The following SNTG2 variants were observed in gnomAD, a reference collection of about 807,000 sequenced individuals.
SNTG2 encodes gamma-2-syntrophin.
Under a neutral mutation model 70.9 loss-of-function variants are expected in SNTG2, and 74 were observed. That is an observed-to-expected ratio of 1.04 (90% CI 0.86 to 1.27). The LOEUF is 1.27. Among genes scored for constraint, SNTG2 ranks in the 50% most tolerant of loss-of-function variants. The probability of loss-of-function intolerance (pLI) is 0.00; values close to 1 mark genes in which losing one functional copy is unlikely to be tolerated. For synonymous variants in SNTG2, 278 were observed against 273.8 expected, an observed-to-expected ratio of 1.02 and a Z score of -0.15; for missense variants, 717 against 690.7, an observed-to-expected ratio of 1.04 and a Z score of -0.43.
At chr2:1,306,353 G>A (rs1680668080) in intron 14 of SNTG2, among the ~76,000 whole-genome samples, 1 of 152,170 alleles carries the variant, frequency 6.6e-6, no homozygotes. Context: ...CCCACCATCT[G>A]CTCTCCTCTA....
intron 9 of SNTG2, among the ~76,000 whole-genome samples, chr2:1,234,372 T>C (rs1676467361): frequency 6.6e-6 from 1 of 152,250 alleles, no homozygotes; most frequent in Admixed American, 6.5e-5. Context: ...TCAACAACTT[T>C]CACAGTTTCT....
At chr2:1,341,718 C>T (rs1228158429) in intron 16 of SNTG2, 1 of 152,186 alleles carries the variant, frequency 6.6e-6, no homozygotes, top group Non-Finnish European at 1.5e-5. Flanking sequence ...GGGAGAGAAA[C>T]AAGACAAGGC....
At chr2:1,165,877 G>A (rs28674914) in intron 7 of SNTG2, among the ~76,000 whole-genome samples, 2,448 of 152,196 alleles carry the variant, frequency 0.016, 52 homozygotes, top group African/African-American at 0.055. Context: ...TGTGCTTCTC[G>A]TCACTTAACT....
At chr2:1,062,852 AT>A (rs1662910074) in intron 1 of SNTG2, among the ~76,000 whole-genome samples, 1 of 152,188 alleles carries the variant, frequency 6.6e-6, no homozygotes. Flanking sequence ...AATGGAAAAA[AT>A]ATGTGTGTGT....
At chr2:1,126,358 C>G (rs1241369362) in intron 4 of SNTG2, among the ~76,000 whole-genome samples, 1 of 152,238 alleles carries the variant, frequency 6.6e-6, no homozygotes, top group African/African-American at 2.4e-5. Flanking sequence ...TGTGTATATA[C>G]ACCACGTTGT....
chr2:978,616 T>C (rs548838761), intron 1 of SNTG2, among the ~76,000 whole-genome samples: 7 of 152,314 alleles, frequency 4.6e-5, no homozygotes, highest in Admixed American at 3.3e-4. Flanking sequence ...GCCCCTGTGA[T>C]TCATGGTAGC....
Position 1,307,414 on chromosome 2 carries a change from G to C in SNTG2, c.1285-1080G>C, listed in dbSNP as rs1381313060. Among the ~76,000 whole-genome samples the C allele has an allele frequency of 2.0e-5, 3 of 149,594 alleles. No homozygotes were observed. The East Asian group carries it at 5.9e-4, about 30-fold the overall frequency. Reference sequence around the variant, plus strand: ...GCACTGTGTCTGTGTGTGAGTGTGTGTGGTGTGTGTGAGCCGTGTACTGTG... The same window carrying C: ...GCACTGTGTCTGTGTGTGAGTGTGTCTGGTGTGTGTGAGCCGTGTACTGTG... On this transcript the variant is annotated intron_variant, in intron 14 of 16. Transcript: ENST00000308624.
intron 1 of SNTG2, among the ~76,000 whole-genome samples, chr2:985,591 C>G (rs1050115640): frequency 3.9e-5 from 6 of 152,128 alleles, no homozygotes; most frequent in African/African-American, 1.4e-4. Context: ...GGGATATGCA[C>G]AGGATAATTT....
At chr2:1,037,494 G>A (rs1390605862) in intron 1 of SNTG2, among the ~76,000 whole-genome samples, 3 of 152,114 alleles carry the variant, frequency 2.0e-5, no homozygotes, top group Non-Finnish European at 4.4e-5. Flanking sequence ...GCCATTTACA[G>A]CCATTTTGCA....
intron 1 of SNTG2, among the ~76,000 whole-genome samples, chr2:1,041,974 TA>T (rs1255855587): frequency 1.3e-5 from 2 of 152,190 alleles, no homozygotes; most frequent in Non-Finnish European, 2.9e-5. Context: ...TATTATGACT[TA>T]ATAATACCAT....
At chr2:1,255,885 A>AATATATACAAAT (rs1558602771) in intron 12 of SNTG2, among the ~76,000 whole-genome samples, 3 of 90,478 alleles carry the variant, frequency 3.3e-5, no homozygotes, top group Admixed American at 1.5e-4. Flanking sequence ...TATATATATA[A>AATATATACAAAT]ATATATATAA....
chr2:1,336,727 G>A (rs75581840), intron 16 of SNTG2, among the ~76,000 whole-genome samples: 22,666 of 151,934 alleles, frequency 0.15, 2,129 homozygotes, highest in East Asian at 0.49. Flanking sequence ...TCTTTTCCCC[G>A]TTGTGTGTTC....
At chr2:1,259,929 C>G (rs1207410973) in intron 13 of SNTG2, among the ~76,000 whole-genome samples, 1 of 152,214 alleles carries the variant, frequency 6.6e-6, no homozygotes, top group Non-Finnish European at 1.5e-5. Context: ...GGAGGTGCAG[C>G]AGGGCCCTAG....
At chr2:1,033,756 T>G (rs915554124) in intron 1 of SNTG2, among the ~76,000 whole-genome samples, 11 of 152,134 alleles carry the variant, frequency 7.2e-5, no homozygotes, top group Admixed American at 6.5e-4. Context: ...AGATTGAGAT[T>G]ACTGTGTTGT....
chr2:1,071,813 A>G (rs992044272), intron 1 of SNTG2, among the ~76,000 whole-genome samples: 1 of 152,214 alleles, frequency 6.6e-6, no homozygotes, highest in Non-Finnish European at 1.5e-5. Context: ...GAACACACAA[A>G]TGATAAGAAA....
intron 11 of SNTG2, among the ~76,000 whole-genome samples, chr2:1,246,260 C>T (rs1677420731): frequency 6.6e-6 from 1 of 152,232 alleles, no homozygotes; most frequent in African/African-American, 2.4e-5. Flanking sequence ...TTTTCTTTCC[C>T]ATTGCTAGAA....
intron 6 of SNTG2, among the ~76,000 whole-genome samples, chr2:1,148,064 G>A (rs1348401393): frequency 6.6e-6 from 1 of 152,178 alleles, no homozygotes; most frequent in Non-Finnish European, 1.5e-5. Context: ...GCATTTTTCT[G>A]GCTCCTTGTT....
chr2:1,268,361 T>C (rs1678858041), intron 14 of SNTG2, among the ~76,000 whole-genome samples: 1 of 152,200 alleles, frequency 6.6e-6, no homozygotes, highest in Non-Finnish European at 1.5e-5. Flanking sequence ...TGTGAAACTA[T>C]TCTGTGTTAT....
chr2:1,005,813 ATATATATATATATATATATATAT>A (rs1247739899), intron 1 of SNTG2, among the ~76,000 whole-genome samples: 1 of 812 alleles, frequency 1.2e-3, no homozygotes, highest in African/African-American at 4.5e-3. Context: ...CAAAATATAT[ATATATATATATATATATATATAT>A]ATATATATAT....
Sources: allele counts gnomAD v4.1 joint callset (sites outside exome capture counted in the v4.1 genomes callset), GRCh38; gene constraint gnomAD v4.1.1; transcripts MANE v1.5; gene names NCBI Gene and HGNC (gene_info 2026-07-23, HGNC 2026-07-21).